Variants in NFASC observed in about 807,000 individuals in gnomAD.
NFASC encodes the protein neurofascin, also known as neurofascin homolog.
A neutral mutation model predicts 147.5 loss-of-function variants in NFASC; 43 were observed. The ratio of observed to expected loss-of-function variants is 0.29; its 90% confidence interval spans 0.23 to 0.38. NFASC has a LOEUF of 0.38. NFASC is among the 10% of genes least tolerant of loss of function. The pLI is 1.00. For missense variants in NFASC, 1,320 were observed against 1,689.0 expected (o/e 0.78, Z 3.83); for synonymous variants, 622 against 665.5 (o/e 0.93, Z 1.01).
Position 204,988,765 on chromosome 1 carries a change from G to A in NFASC, c.2726G>A (p.Gly909Glu). 1 of 1,614,182 alleles carries A rather than the reference G, an allele frequency of 6.2e-7. No homozygotes were observed. Among genetic ancestry groups the A allele is most frequent in the Non-Finnish European group, 8.5e-7 (1 of 1,180,036 alleles). ...TLSARTQVGS[G>E]EAVTEESPAP... ...AGCGCCAGGACGCAGGTGGGCTCTG[G>A]GGAAGCCGTCACAGAGGAGTCACCA... Residue 909 changes from glycine to glutamate, a missense_variant, in exon 23 of 30, where the codon GGG (glycine) becomes GAG (glutamate). Gly to Glu is a moderately conservative substitution (Grantham distance 98, BLOSUM62 -2). Transcript: ENST00000339876.
intron 8 of NFASC, among the ~76,000 whole-genome samples, chr1:204,960,707 G>A (rs2094621603): frequency 6.6e-6 from 1 of 152,206 alleles, no homozygotes; most frequent in African/African-American, 2.4e-5. Flanking sequence ...GAACAGAGTT[G>A]CCTCCCAAGC....
Position 204,979,002 on chromosome 1 carries a change from C to T in NFASC, c.1911C>T (p.Thr637=), listed in dbSNP as rs762869013. 2.4e-5 allele frequency: 38 copies of T among 1,562,428 alleles called. No homozygotes were observed. The highest frequency in any genetic ancestry group is 8.1e-5 in the African/African-American group (6 of 73,662). Reference sequence around the variant, plus strand: ...ACCGGCCCCGGGACCTGGAGCTGACCGACCTGGCCGAGAGGAGCGTGCGGC... The same window carrying T: ...ACCGGCCCCGGGACCTGGAGCTGACTGACCTGGCCGAGAGGAGCGTGCGGC... ...RPDRPRDLEL[T]DLAERSVRLT... is the part of the protein sequence containing the mutation. Residue 637 remains threonine, a synonymous_variant, in exon 18 of 30, where the codon ACC becomes ACT. Transcript: ENST00000339876. The surrounding 1 kb of genome is among the most constrained non-coding windows in gnomAD (Gnocchi z 6.0).
Position 204,975,375 on chromosome 1 carries a change from G to T in NFASC, c.1663G>T (p.Val555Phe). ...VKHDPSLKLT[V>F]SWLKDDEPLY... is the part of the protein sequence containing the mutation. ...GCACGACCCCTCCCTGAAACTCACC[G>T]TCTCCTGGCTGAAGGATGACGAGCC... is the stretch of plus-strand genomic sequence containing the variant. The change falls in exon 15 of 30, where the codon GTC becomes TTC. Residue 555 changes from valine (V) to phenylalanine (F), a missense_variant. This residue lies in a region of NFASC where 981 missense variants were observed against 1,289.5 expected (regional missense o/e 0.76). Coordinates refer to ENST00000339876, the MANE Select transcript of NFASC (RefSeq NM_001005388.3). The surrounding 1 kb of genome is among the most constrained non-coding windows in gnomAD (Gnocchi z 4.0). 1 of 1,614,098 alleles carries T rather than the reference G, an allele frequency of 6.2e-7. No individual in the cohort carries two copies. Among genetic ancestry groups the T allele is most frequent in the Non-Finnish European group, 8.5e-7 (1 of 1,179,962 alleles).
chr1:204,910,084 A>G lies in NFASC; in HGVS notation c.-199-10548A>G, dbSNP rs554004468. On this transcript the variant is annotated intron_variant, in intron 1 of 29. Transcript: ENST00000339876. The stretch of plus-strand genomic sequence containing the variant: ...TATTCTTGTTCCTTTTTATTTCCAT[A>G]TAAATTTTAAAATAATTTGTCTAGC... Among the ~76,000 whole-genome samples the G allele has an allele frequency of 1.6e-4, 24 of 152,212 alleles. 1 individual carries two copies. In the South Asian group the frequency reaches 5.0e-3, roughly 32 times the overall value.
At chr1:204,842,043 A>G (rs1431921202) in intron 1 of NFASC, among the ~76,000 whole-genome samples, 1 of 152,180 alleles carries the variant, frequency 6.6e-6, no homozygotes, top group African/African-American at 2.4e-5. Context: ...CCTGGAGTAG[A>G]TCTTTATCTC....
chr1:204,926,396 ATATATATATATTTTTTTTTT>A (rs1159331154), intron 2 of NFASC, among the ~76,000 whole-genome samples: 5,827 of 35,442 alleles, frequency 0.16, 164 homozygotes, highest in Non-Finnish European at 0.22. Context: ...ATATATATAT[ATATATATATATTTTTTTTTT>A]TTTTTTTTTT....
At chr1:205,001,332 A>G in intron 26 of NFASC, 46 bp downstream of exon 26, 2 of 1,255,248 alleles carry the variant, frequency 1.6e-6, no homozygotes, top group African/African-American at 2.9e-5. Context: ...CGGCGTCGGC[A>G]GCAGCGGCGG....
intron 16 of NFASC, 156 bp downstream of exon 16, chr1:204,976,951 G>A (rs1213375215): frequency 1.4e-6 from 2 of 1,405,396 alleles, no homozygotes; most frequent in Non-Finnish European, 1.9e-6. Flanking sequence ...TCAGGGTTAG[G>A]GAGCTGCCAG....
chr1:204,863,461 T>G (rs2076835193), intron 1 of NFASC, among the ~76,000 whole-genome samples: 1 of 152,214 alleles, frequency 6.6e-6, no homozygotes, highest in South Asian at 2.1e-4. Flanking sequence ...TTCAACCATT[T>G]TGTAGACATA....
At chr1:204,879,800 T>G (rs949673102) in intron 1 of NFASC, among the ~76,000 whole-genome samples, 3 of 152,174 alleles carry the variant, frequency 2.0e-5, no homozygotes, top group African/African-American at 7.2e-5. Flanking sequence ...CTGCTTTTAT[T>G]TAAAAGAAGA....
chr1:204,986,193 G>A lies in NFASC; in HGVS notation c.2471-1225G>A, dbSNP rs2095611448. ...CTTGGGCCTGGAGAAACTCCAGCGT[G>A]GCTCAGCATGGATGGCACAAGGTGA... On this transcript the variant is annotated intron_variant, in intron 21 of 29. Coordinates refer to ENST00000339876, the MANE Select transcript of NFASC (RefSeq NM_001005388.3). This position sits in a 1 kb window ranked among gnomAD's most constrained non-coding sequence, Gnocchi z 4.2. 1.9e-6 allele frequency: 2 copies of A among 1,056,738 alleles called. No individual in the cohort carries two copies. The highest frequency in any genetic ancestry group is 2.9e-6 in the Non-Finnish European group (2 of 688,880). 65.5% of individuals were successfully genotyped at this position (1,056,738 alleles called of 1,614,324 possible).
intron 1 of NFASC, among the ~76,000 whole-genome samples, chr1:204,852,353 A>G (rs1558499160): frequency 6.6e-6 from 1 of 152,200 alleles, no homozygotes; most frequent in Non-Finnish European, 1.5e-5. Context: ...AGAAAAAATT[A>G]GCTGAGCGTG....
At chr1:204,906,745 C>T (rs1324907506) in intron 1 of NFASC, among the ~76,000 whole-genome samples, 5 of 136,358 alleles carry the variant, frequency 3.7e-5, no homozygotes, top group East Asian at 2.1e-4. Context: ...TGCAGTGGCG[C>T]GATCTCGGCT....
chr1:204,828,675 A>G lies in NFASC; in HGVS notation c.-307A>G, dbSNP rs1040364901. ...ACGCGCACGGGCTGGTCTCTGCCCT[A>G]ATGCGGCGGCTGGCGGCGAGAGGCG... is the stretch of plus-strand genomic sequence containing the variant. On this transcript the variant is annotated 5_prime_UTR_variant, in exon 1 of 30. Coordinates refer to ENST00000339876, the MANE Select transcript of NFASC (RefSeq NM_001005388.3). 1.2e-5 allele frequency: 12 copies of G among 985,008 alleles called. No individual in the cohort carries two copies. The African/African-American group carries it at 1.9e-4, about 16-fold the overall frequency. 61.0% of individuals were successfully genotyped at this position (985,008 alleles called of 1,614,324 possible).
chr1:204,956,377 C>A (rs573206722), intron 7 of NFASC, among the ~76,000 whole-genome samples: 15 of 152,208 alleles, frequency 9.9e-5, no homozygotes, highest in Admixed American at 4.6e-4. Flanking sequence ...CTCCCCTCAT[C>A]CCCTTACACC....
Position 205,016,858 on chromosome 1 carries a change from A to G in NFASC, c.*319A>G. On this transcript the variant is annotated 3_prime_UTR_variant, in exon 30 of 30. Coordinates refer to ENST00000339876, the MANE Select transcript of NFASC (RefSeq NM_001005388.3). This position sits in a 1 kb window ranked among gnomAD's most constrained non-coding sequence, Gnocchi z 5.1. ...CACACTGTCCGCCCTTGGCCTCGGC[A>G]CACGCTCACCTTTTCTGTTGGTTAC... 8 of 440,796 alleles carry G rather than the reference A, an allele frequency of 1.8e-5. No homozygotes were observed. The highest frequency in any genetic ancestry group is 1.6e-4 in the South Asian group (8 of 48,672). The allele number at this position is 440,796 out of a possible 1,614,324, so 27.3% of individuals were successfully genotyped here. A position where few individuals can be genotyped will look rare whatever the true frequency, so the allele number is the denominator to read the frequency against.
At chr1:204,928,250 C>T (rs2091943837) in intron 2 of NFASC, among the ~76,000 whole-genome samples, 1 of 152,150 alleles carries the variant, frequency 6.6e-6, no homozygotes, top group African/African-American at 2.4e-5. Flanking sequence ...TACATTTGAG[C>T]ATCTTTTCCA....
chr1:204,856,298 G>A (rs1021733433), intron 1 of NFASC, among the ~76,000 whole-genome samples: 3 of 151,642 alleles, frequency 2.0e-5, no homozygotes, highest in Admixed American at 6.6e-5. Flanking sequence ...GCTACACTTC[G>A]GGACATCAGT....
intron 2 of NFASC, among the ~76,000 whole-genome samples, chr1:204,932,055 G>A (rs1445432278): frequency 1.3e-5 from 2 of 152,036 alleles, no homozygotes; most frequent in Non-Finnish European, 2.9e-5. Context: ...CCCAGAATAA[G>A]GGGATACTAT....
Sources: gnomAD v4.1 joint callset for allele counts (sites outside exome capture counted in the v4.1 genomes callset) on GRCh38, gnomAD v4.1.1 for gene constraint, gnomAD v4.1.1 regional missense constraint, Gnocchi (gnomAD v3.1) non-coding constraint, MANE v1.5 for transcripts, NCBI Gene and HGNC (gene_info 2026-07-23, HGNC 2026-07-21) for gene names.